The following PDXK variants were observed in gnomAD, a reference collection of about 807,000 sequenced individuals.
PDXK encodes the protein pyridoxal kinase.
Under a neutral mutation model 43.2 loss-of-function variants are expected in PDXK, and 15 were observed. The ratio of observed to expected loss-of-function variants is 0.35; its 90% CI spans 0.23 to 0.53. PDXK has a LOEUF of 0.53. Among genes scored for constraint, PDXK ranks in the 20% least tolerant of loss-of-function variants. PDXK has a pLI of 0.92. For synonymous variants in PDXK, 172 were observed against 165.4 expected, an observed-to-expected ratio of 1.04 and a Z score of -0.31; for missense variants, 343 against 417.0, an observed-to-expected ratio of 0.82 and a Z score of 1.54.
intron 1 of PDXK, among the ~76,000 whole-genome samples, chr21:43,725,061 C>T (rs961519735): frequency 2.0e-5 from 3 of 152,056 alleles, no homozygotes; most frequent in African/African-American, 7.2e-5. Context: ...CAGTGGCTCA[C>T]GCCTGTAATC....
At chr21:43,729,587 T>G (rs1387177258) in intron 1 of PDXK, among the ~76,000 whole-genome samples, 1 of 151,990 alleles carries the variant, frequency 6.6e-6, no homozygotes, top group Non-Finnish European at 1.5e-5. Context: ...GGGCTGGGTT[T>G]AGAGGGGTAC....
chr21:43,725,437 A>C (rs1353792049), intron 1 of PDXK, among the ~76,000 whole-genome samples: 1 of 152,238 alleles, frequency 6.6e-6, no homozygotes, highest in Non-Finnish European at 1.5e-5. Flanking sequence ...TCCTGGAAGA[A>C]TACCACCCTG....
intron 1 of PDXK, among the ~76,000 whole-genome samples, chr21:43,724,142 G>C (rs78655964): frequency 1.3e-5 from 2 of 152,196 alleles, no homozygotes; most frequent in Non-Finnish European, 2.9e-5. Context: ...GTGGTCCGTC[G>C]GTGCGGAGCA....
Position 43,758,743 on chromosome 21 carries a change from T to C in PDXK, c.*2680T>C, listed in dbSNP as rs1280440904. ...ATTTATTTTAAGGTGACAGCTATAC[T>C]GGTCCAACATCGCCTGCTTATTGTC... On this transcript the variant is annotated 3_prime_UTR_variant, in exon 11 of 11. Coordinates refer to ENST00000291565, the MANE Select transcript of PDXK (RefSeq NM_003681.5). 1 of 152,394 alleles carries C rather than the reference T, an allele frequency of 6.6e-6. No individual in the cohort carries two copies. The highest frequency in any genetic ancestry group is 6.5e-5 in the Admixed American group (1 of 15,278). The allele number at this position is 152,394 out of a possible 1,614,324, so 9.4% of individuals were successfully genotyped here. A position where few individuals can be genotyped will look rare whatever the true frequency, so the allele number is the denominator to read the frequency against.
In PDXK at chr21:43,719,324, A is replaced by T; in HGVS notation, c.30A>T (p.Ile10=). The T allele has an allele frequency of 1.3e-6, 2 of 1,517,908 alleles. No homozygotes were observed. The highest frequency in any genetic ancestry group is 1.8e-6 in the Non-Finnish European group (2 of 1,134,262). The allele number at this position is 1,517,908 out of a possible 1,614,324, so 94.0% of individuals were successfully genotyped here. MEEECRVLS[I]QSHVIRGYVG... ...AGGAGGAGTGCCGGGTGCTCTCCAT[A>T]CAGAGCCACGTCATCCGCGGCTACG... Residue 10 remains isoleucine (I), a synonymous_variant, in exon 1 of 11, where the codon ATA becomes ATT. Transcript: ENST00000291565.
At chr21:43,722,744 C>A (rs2083217129) in intron 1 of PDXK, among the ~76,000 whole-genome samples, 1 of 152,244 alleles carries the variant, frequency 6.6e-6, no homozygotes, top group African/African-American at 2.4e-5. Flanking sequence ...GCCCAGTGTG[C>A]TCTCTTAAAA....
intron 1 of PDXK, among the ~76,000 whole-genome samples, chr21:43,724,558 A>G (rs1389430103): frequency 6.6e-6 from 1 of 151,904 alleles, no homozygotes; most frequent in Non-Finnish European, 1.5e-5. Flanking sequence ...AAGCATCCCC[A>G]AGCCCAGGTG....
At chr21:43,729,550 C>A (rs1160069655) in intron 1 of PDXK, among the ~76,000 whole-genome samples, 1 of 152,184 alleles carries the variant, frequency 6.6e-6, no homozygotes, top group Non-Finnish European at 1.5e-5. Context: ...GTCTGAGCTG[C>A]ATCCTGTGGG....
At position 43,760,955 on chromosome 21, in the gene PDXK, C is replaced by T. The variant is rs187188065; in HGVS notation, c.*4892C>T. The T allele has an allele frequency of 6.6e-6, 1 of 152,244 alleles. No individual in the cohort carries two copies. The highest frequency in any genetic ancestry group is 6.5e-5 in the Admixed American group (1 of 15,290). The allele number at this position is 152,244 out of a possible 1,614,324, so 9.4% of individuals were successfully genotyped here. On this transcript the variant is annotated 3_prime_UTR_variant, in exon 11 of 11. Transcript: ENST00000291565. ...GGTTTTCAATCGGCGTCTAAAACCA[C>T]GTTCCTGCCTTTCATTGCAACACGG...
intron 1 of PDXK, among the ~76,000 whole-genome samples, chr21:43,731,863 G>A (rs1327128870): frequency 6.6e-6 from 1 of 152,246 alleles, no homozygotes; most frequent in East Asian, 1.9e-4. Flanking sequence ...TGTCGTGGAG[G>A]AGACCCCTGC....
At chr21:43,742,204 G>A (rs1409665841) in intron 3 of PDXK, among the ~76,000 whole-genome samples, 1 of 152,142 alleles carries the variant, frequency 6.6e-6, no homozygotes, top group Non-Finnish European at 1.5e-5. Context: ...TTTTGAGACA[G>A]GGTCTCACTC....
intron 6 of PDXK, among the ~76,000 whole-genome samples, chr21:43,750,059 T>C (rs1471606704): frequency 1.3e-5 from 2 of 152,198 alleles, no homozygotes; most frequent in Non-Finnish European, 2.9e-5. Flanking sequence ...CCTGGACTCT[T>C]GGAGGCCTGG....
At chr21:43,740,729 C>T (rs772431327) in intron 2 of PDXK, among the ~76,000 whole-genome samples, 8 of 151,964 alleles carry the variant, frequency 5.3e-5, no homozygotes, top group Non-Finnish European at 1.0e-4. Context: ...ACCCATCGGG[C>T]CAAGGGCAGG....
In PDXK at chr21:43,757,612, ACCCCCTCC is replaced by A. The variant is rs2083872134; in HGVS notation, c.*1553_*1560del. The A allele has an allele frequency of 7.7e-6, 1 of 130,232 alleles. No individual in the cohort carries two copies. The highest frequency in any genetic ancestry group is 1.6e-5 in the Non-Finnish European group (1 of 61,198). 8.1% of individuals were successfully genotyped at this position (130,232 alleles called of 1,614,324 possible). A position where few individuals can be genotyped will look rare whatever the true frequency, so the allele number is the denominator to read the frequency against. On this transcript the variant is annotated 3_prime_UTR_variant, in exon 11 of 11. Transcript: ENST00000291565. ...AGATGCAGGTTTATATGGAACCCCC[ACCCCCTCC>A]CCCACTCTCCCACTCTGTTCGTTCT...
chr21:43,750,771 G>A (rs1234624447), intron 7 of PDXK, among the ~76,000 whole-genome samples: 8 of 93,514 alleles, frequency 8.6e-5, no homozygotes, highest in South Asian at 3.5e-4. Flanking sequence ...GTGTGCGCGC[G>A]TATTGTGTGT....
chr21:43,753,274 A>T (rs1194014847), intron 8 of PDXK, among the ~76,000 whole-genome samples: 1 of 152,064 alleles, frequency 6.6e-6, no homozygotes, highest in African/African-American at 2.4e-5. Flanking sequence ...ACGCACACAC[A>T]TGCACACACA....
At chr21:43,747,318 T>A (rs2083655392) in intron 5 of PDXK, 1 of 152,300 alleles carries the variant, frequency 6.6e-6, no homozygotes, top group Admixed American at 6.5e-5. Context: ...GGTTTTTAAC[T>A]CAGCCATTCA....
In PDXK at chr21:43,754,231, G is replaced by T. The variant is rs1568994035; in HGVS notation, c.759+512G>T. Among the ~76,000 whole-genome samples the T allele has an allele frequency of 6.6e-6, 1 of 152,204 alleles. No individual in the cohort carries two copies. The highest frequency in any genetic ancestry group is 2.4e-5 in the African/African-American group (1 of 41,440). On this transcript the variant is annotated intron_variant, in intron 9 of 10. Coordinates refer to ENST00000291565, the MANE Select transcript of PDXK (RefSeq NM_003681.5). The surrounding 1 kb of genome is among the most constrained non-coding windows in gnomAD (Gnocchi z 5.5). ...CAGGTGTGGAGAGCCGTCTTTCTGG[G>T]CGTTTTGTCTGGATGTCTGCCTGCT... is the stretch of plus-strand genomic sequence containing the variant.
intron 1 of PDXK, among the ~76,000 whole-genome samples, chr21:43,722,558 C>T (rs1444393772): frequency 6.6e-6 from 1 of 152,148 alleles, no homozygotes; most frequent in Non-Finnish European, 1.5e-5. Flanking sequence ...CTCATTGTAG[C>T]AGAAATTCAC....
Sources: gnomAD v4.1 joint callset for allele counts (sites outside exome capture counted in the v4.1 genomes callset) on GRCh38, gnomAD v4.1.1 for gene constraint, Gnocchi (gnomAD v3.1) non-coding constraint, MANE v1.5 for transcripts, NCBI Gene and HGNC (gene_info 2026-07-23, HGNC 2026-07-21) for gene names.